Variants in BMPR2 observed in about 807,000 individuals in gnomAD.
BMPR2 encodes the protein bone morphogenetic protein receptor type-2.
A neutral mutation model predicts 100.8 loss-of-function variants in BMPR2; 29 were observed. That is an observed-to-expected ratio of 0.29 (90% CI 0.21 to 0.39). The LOEUF (loss-of-function observed/expected upper bound fraction) is 0.39. BMPR2 is among the 10% of genes least tolerant of loss of function. The probability of loss-of-function intolerance (pLI) is 1.00; values close to 1 mark genes in which losing one functional copy is unlikely to be tolerated. For synonymous variants in BMPR2, 382 were observed against 442.3 expected, an observed-to-expected ratio of 0.86 and a Z score of 1.71; for missense variants, 1,011 against 1,274.5, an observed-to-expected ratio of 0.79 and a Z score of 3.15.
At chr2:202,397,392 T>C (rs1212905388) in intron 1 of BMPR2, among the ~76,000 whole-genome samples, 1 of 152,164 alleles carries the variant, frequency 6.6e-6, no homozygotes. Context: ...ACTTGATCTA[T>C]AGTCTCACTT....
chr2:202,388,888 T>C (rs1348826103), intron 1 of BMPR2, among the ~76,000 whole-genome samples: 2 of 151,944 alleles, frequency 1.3e-5, no homozygotes, highest in African/African-American at 4.8e-5. Context: ...TTAATGAAAA[T>C]AGATTAAATT....
At chr2:202,528,017 G>A (rs571488211) in intron 7 of BMPR2, among the ~76,000 whole-genome samples, 177 of 151,608 alleles carry the variant, frequency 1.2e-3, no homozygotes, top group Non-Finnish European at 2.3e-3. Flanking sequence ...GTGAGACCCC[G>A]TCTCTACAAA....
In BMPR2 at chr2:202,462,923, G is replaced by A. The variant is rs762106620; in HGVS notation, c.77-1886G>A. Among the ~76,000 whole-genome samples, 16 of 152,028 alleles carry A rather than the reference G, an allele frequency of 1.1e-4. No homozygotes were observed. In the South Asian group the frequency reaches 1.5e-3, roughly 14 times the overall value. On this transcript the variant is annotated intron_variant, in intron 1 of 12. Transcript: ENST00000374580. ...AAACAGGGTTTCACCATGTTAGCCA[G>A]GCTGGTCTCGAATGCTGACATCAGT...
intron 3 of BMPR2, among the ~76,000 whole-genome samples, chr2:202,512,599 T>C (rs1002263434): frequency 3.3e-5 from 5 of 152,206 alleles, no homozygotes; most frequent in African/African-American, 1.2e-4. Context: ...CCTTCATAGT[T>C]GTACTTGCTC....
chr2:202,451,662 G>T (rs1190931600), intron 1 of BMPR2, among the ~76,000 whole-genome samples: 1 of 152,188 alleles, frequency 6.6e-6, no homozygotes, highest in Admixed American at 6.5e-5. Context: ...TCGTGCCATT[G>T]CACTCCAGCC....
Position 202,542,428 on chromosome 2 carries a change from C to G in BMPR2, c.1394C>G (p.Ala465Gly). The G allele has an allele frequency of 3.1e-6, 5 of 1,613,860 alleles. No homozygotes were observed. The highest frequency in any genetic ancestry group is 4.2e-6 in the Non-Finnish European group (5 of 1,179,962). ...REKQRPKFPE[A>G]WKENSLAVRS... ...AAACAGAGACCCAAGTTCCCAGAAG[C>G]CTGGAAAGAAAATAGCCTGGTAAGA... Residue 465 changes from alanine (A) to glycine (G), a missense_variant, in exon 10 of 13, where the codon GCC becomes GGC. Around this residue, in one of 6 missense-constraint regions of BMPR2, gnomAD observed 83 missense variants for 140.7 expected, o/e 0.59. Transcript: ENST00000374580.
intron 3 of BMPR2, among the ~76,000 whole-genome samples, chr2:202,493,491 T>C (rs12621870): frequency 0.22 from 33,250 of 152,064 alleles, 4,230 homozygotes; most frequent in East Asian, 0.54. Flanking sequence ...TCTTCTATTT[T>C]TCTTGTATTT....
At chr2:202,433,643 C>G (rs946456538) in intron 1 of BMPR2, among the ~76,000 whole-genome samples, 1 of 150,724 alleles carries the variant, frequency 6.6e-6, no homozygotes, top group Non-Finnish European at 1.5e-5. Context: ...GGCATGATGG[C>G]TCATGCCTGT....
chr2:202,533,508 CAA>C (rs1048063990), intron 9 of BMPR2, among the ~76,000 whole-genome samples: 4 of 150,944 alleles, frequency 2.6e-5, no homozygotes, highest in African/African-American at 9.8e-5. Context: ...GCCTGGGCAA[CAA>C]GAGCAAAACT....
intron 1 of BMPR2, among the ~76,000 whole-genome samples, chr2:202,459,831 C>T (rs978087249): frequency 6.6e-6 from 1 of 152,160 alleles, no homozygotes; most frequent in African/African-American, 2.4e-5. Context: ...AACAGACAAC[C>T]TACAGAATGG....
intron 3 of BMPR2, among the ~76,000 whole-genome samples, chr2:202,477,707 AAC>A: frequency 6.6e-6 from 1 of 152,218 alleles, no homozygotes; most frequent in Admixed American, 6.6e-5. Context: ...GAATAGCTTG[AAC>A]CTAAGAGGCG....
At chr2:202,464,159 C>CA (rs71406983) in intron 1 of BMPR2, among the ~76,000 whole-genome samples, 2,341 of 62,144 alleles carry the variant, frequency 0.038, 66 homozygotes, top group African/African-American at 0.054. Context: ...AACTCTGTCT[C>CA]AAAAAAAAAA....
rs749523973 is a variant in BMPR2, at chr2:202,530,922, C to G, written c.1096C>G (p.Pro366Ala). 8 of 1,613,816 alleles carry G rather than the reference C, an allele frequency of 5.0e-6. No individual in the cohort carries two copies. In the African/African-American group the frequency reaches 1.1e-4, roughly 22 times the overall value. Residue 366 changes from proline to alanine, a missense_variant, in exon 8 of 13, where the codon CCA (proline) becomes GCA (alanine). Coordinates refer to ENST00000374580, the MANE Select transcript of BMPR2 (RefSeq NM_001204.7). ...MRLTGNRLVR[P>A]GEEDNAAISE... ...GCTGACTGGAAATAGACTGGTGCGC[C>G]CAGGGGAGGAAGATAATGCAGCCAT...
At chr2:202,478,861 G>T (rs966180446) in intron 3 of BMPR2, among the ~76,000 whole-genome samples, 26 of 152,274 alleles carry the variant, frequency 1.7e-4, no homozygotes, top group East Asian at 1.2e-3. Context: ...AGGAAGTCGA[G>T]GCTGCAGTGA....
chr2:202,492,616 C>T lies in BMPR2; in HGVS notation c.419-21103C>T, dbSNP rs536944774. On this transcript the variant is annotated intron_variant, in intron 3 of 12. Coordinates refer to ENST00000374580, the MANE Select transcript of BMPR2 (RefSeq NM_001204.7). ...TTGGGAGGCTGAGGCAGGAGAATCACTTGAACCCAGGAGGCAGAGGTTGCA... is the reference window on the plus strand; with the variant it reads ...TTGGGAGGCTGAGGCAGGAGAATCATTTGAACCCAGGAGGCAGAGGTTGCA... Among the ~76,000 whole-genome samples, 5 of 143,594 alleles carry T rather than the reference C, an allele frequency of 3.5e-5. No homozygotes were observed. The South Asian group carries it at 1.2e-3, about 33-fold the overall frequency. The allele number at this position is 143,594 out of a possible 152,430, so 94.2% of individuals were successfully genotyped here.
chr2:202,467,807 C>A, intron 3 of BMPR2, 118 bp downstream of exon 3: 1 of 1,089,578 alleles, frequency 9.2e-7, no homozygotes, highest in Non-Finnish European at 1.4e-6. Context: ...GCCTGTAATG[C>A]CAGCACTTTG....
At chr2:202,398,060 A>T (rs929682186) in intron 1 of BMPR2, among the ~76,000 whole-genome samples, 2 of 151,528 alleles carry the variant, frequency 1.3e-5, no homozygotes, top group African/African-American at 4.8e-5. Context: ...GGTGAGCCAA[A>T]ATTGCACCAC....
intron 3 of BMPR2, among the ~76,000 whole-genome samples, chr2:202,481,268 TC>T (rs1346515735): frequency 1.3e-5 from 2 of 152,096 alleles, no homozygotes; most frequent in African/African-American, 4.8e-5. Context: ...AACCTCCGCC[TC>T]CCAGGTTCAA....
At chr2:202,385,599 C>T (rs1179513364) in intron 1 of BMPR2, among the ~76,000 whole-genome samples, 16 of 146,606 alleles carry the variant, frequency 1.1e-4, no homozygotes, top group African/African-American at 2.5e-4. Flanking sequence ...CTCCTGACCT[C>T]GTGATCTGCC....
Sources: allele counts gnomAD v4.1 joint callset (sites outside exome capture counted in the v4.1 genomes callset), GRCh38; gene constraint gnomAD v4.1.1; regional missense constraint gnomAD v4.1.1; transcripts MANE v1.5; gene names NCBI Gene and HGNC (gene_info 2026-07-23, HGNC 2026-07-21).